The following ENTREP2 variants were observed in gnomAD, a reference collection of about 807,000 sequenced individuals.
ENTREP2 encodes endosomal transmembrane epsin interactor 2, also known as protein ENTREP2.
the ENTREP2 span, among the ~76,000 whole-genome samples, chr15:29,174,702 C>CA: frequency 2.4e-3 from 274 of 115,916 alleles, no homozygotes; most frequent in East Asian, 0.01. Context: ...CAAAACAAAA[C>CA]AAAACAACAA....
the ENTREP2 span, among the ~76,000 whole-genome samples, chr15:29,579,937 C>T: frequency 3.3e-5 from 5 of 151,890 alleles, no homozygotes; most frequent in Non-Finnish European, 5.9e-5. Context: ...GTCTCAATCT[C>T]CTGACCTCAA....
the ENTREP2 span, among the ~76,000 whole-genome samples, chr15:29,366,577 T>C: frequency 3.3e-5 from 5 of 152,192 alleles, no homozygotes; most frequent in African/African-American, 9.7e-5. Context: ...TGTGCTTCCC[T>C]GTAGCCATTC....
the ENTREP2 span, among the ~76,000 whole-genome samples, chr15:29,256,581 A>G: frequency 6.6e-6 from 1 of 152,214 alleles, no homozygotes; most frequent in Admixed American, 6.5e-5. Flanking sequence ...CTTACATTAC[A>G]TTCTACCAGA....
chr15:29,146,111 A>C, the ENTREP2 span, among the ~76,000 whole-genome samples: 35 of 152,358 alleles, frequency 2.3e-4, no homozygotes, highest in Non-Finnish European at 3.8e-4. Flanking sequence ...AAAAAAGCAA[A>C]ACTTGCACAC....
At chr15:29,382,169 C>T in the ENTREP2 span, among the ~76,000 whole-genome samples, 2 of 150,880 alleles carry the variant, frequency 1.3e-5, no homozygotes, top group African/African-American at 2.4e-5. Flanking sequence ...GGCTGAGGCA[C>T]GAGAATCACT....
At chr15:29,123,271 A>T in the ENTREP2 span, 1 of 1,435,328 alleles carries the variant, frequency 7.0e-7, no homozygotes, top group South Asian at 1.5e-5. Flanking sequence ...TTTGTCAGGC[A>T]TGATGGCTTC....
chr15:29,646,384 C>T, the ENTREP2 span, among the ~76,000 whole-genome samples: 1 of 152,170 alleles, frequency 6.6e-6, no homozygotes, highest in Non-Finnish European at 1.5e-5. Flanking sequence ...GGCACAGTTC[C>T]GTTCCATACA....
At chr15:29,611,885 C>G in the ENTREP2 span, among the ~76,000 whole-genome samples, 1 of 152,202 alleles carries the variant, frequency 6.6e-6, no homozygotes, top group Non-Finnish European at 1.5e-5. Context: ...TAAACCAAGG[C>G]TGCCATTTCT....
chr15:29,135,279 C>T, the ENTREP2 span, among the ~76,000 whole-genome samples: 2 of 152,108 alleles, frequency 1.3e-5, no homozygotes, highest in Non-Finnish European at 2.9e-5. The surrounding 1 kb of genome is among the most constrained non-coding windows in gnomAD (Gnocchi z 7.4). Context: ...GACTGTCGGC[C>T]TCTCTAGCAG....
the ENTREP2 span, among the ~76,000 whole-genome samples, chr15:29,618,382 C>A: frequency 6.7e-6 from 1 of 148,898 alleles, no homozygotes; most frequent in African/African-American, 2.5e-5. Flanking sequence ...GAGATCACGC[C>A]ATTGCACTCC....
chr15:29,445,323 C>T, the ENTREP2 span, among the ~76,000 whole-genome samples: 3 of 152,130 alleles, frequency 2.0e-5, no homozygotes, highest in Non-Finnish European at 1.5e-5. Flanking sequence ...TAGTGAGGGG[C>T]TTCTGGACAG....
the ENTREP2 span, among the ~76,000 whole-genome samples, chr15:29,406,967 TA>T: frequency 2.0e-5 from 3 of 152,154 alleles, no homozygotes; most frequent in Admixed American, 2.0e-4. Flanking sequence ...ACAGTGCCTT[TA>T]AAAAAAATCA....
At chr15:29,618,759 A>G in the ENTREP2 span, among the ~76,000 whole-genome samples, 5 of 152,044 alleles carry the variant, frequency 3.3e-5, no homozygotes, top group African/African-American at 4.8e-5. Context: ...AAGGAGACTG[A>G]TCTGGTCACA....
At chr15:29,290,939 T>A in the ENTREP2 span, among the ~76,000 whole-genome samples, 6 of 152,270 alleles carry the variant, frequency 3.9e-5, no homozygotes, top group Middle Eastern at 3.4e-3. Flanking sequence ...AATCCCAGTG[T>A]TCACAGAACA....
At chr15:29,327,093 A>G in the ENTREP2 span, among the ~76,000 whole-genome samples, 1 of 152,212 alleles carries the variant, frequency 6.6e-6, no homozygotes, top group African/African-American at 2.4e-5. Context: ...TAAATGTAAA[A>G]TGCAGAACTA....
At chr15:29,159,306 C>T in the ENTREP2 span, among the ~76,000 whole-genome samples, 2 of 152,168 alleles carry the variant, frequency 1.3e-5, no homozygotes, top group African/African-American at 4.8e-5. Context: ...CGTGGTCTCG[C>T]TGGCTCCAGG....
At chr15:29,615,578 A>C in the ENTREP2 span, among the ~76,000 whole-genome samples, 16 of 152,154 alleles carry the variant, frequency 1.1e-4, no homozygotes, top group African/African-American at 3.9e-4. Flanking sequence ...TTACCCCTTA[A>C]AAGGTGTAAC....
chr15:29,643,167 T>C, the ENTREP2 span, among the ~76,000 whole-genome samples: 124 of 152,222 alleles, frequency 8.1e-4, no homozygotes, highest in Non-Finnish European at 3.2e-4. Context: ...AGTAGATAAA[T>C]TGGACTTCAC....
At chr15:29,620,370 G>A in the ENTREP2 span, among the ~76,000 whole-genome samples, 1 of 152,118 alleles carries the variant, frequency 6.6e-6, no homozygotes, top group Non-Finnish European at 1.5e-5. Context: ...TGCCCAGGAG[G>A]TGGGCCGGCA....
Sources: gnomAD v4.1 joint callset for allele counts (sites outside exome capture counted in the v4.1 genomes callset) on GRCh38, gnomAD v4.1.1 for gene constraint, Gnocchi (gnomAD v3.1) non-coding constraint, MANE v1.5 for transcripts, NCBI Gene and HGNC (gene_info 2026-07-23, HGNC 2026-07-21) for gene names.